Variants in PCDH15 observed in about 807,000 individuals in gnomAD.
The protein encoded by PCDH15 is protocadherin related 15.
A neutral mutation model predicts 178.5 loss-of-function variants in PCDH15; 129 were observed. The ratio of observed to expected loss-of-function variants is 0.72; its 90% CI spans 0.63 to 0.84. The LOEUF (loss-of-function observed/expected upper bound fraction) is 0.84. PCDH15 is among the 40% of genes least tolerant of loss of function. PCDH15 has a pLI of 0.00. For missense variants in PCDH15, 2,230 were observed against 2,099.9 expected (o/e 1.06, Z -1.21); for synonymous variants, 800 against 732.0 (o/e 1.09, Z -1.50).
chr10:55,450,222 C>G (rs1483600694), intron 2 of PCDH15, among the ~76,000 whole-genome samples: 1 of 152,050 alleles, frequency 6.6e-6, no homozygotes, highest in Non-Finnish European at 1.5e-5. Context: ...ATGGACAGCT[C>G]AGCTCAGTGC....
upstream of PCDH15, among the ~76,000 whole-genome samples, chr10:54,804,683 TA>T (rs1301703081): frequency 1.3e-5 from 2 of 151,658 alleles, no homozygotes; most frequent in Admixed American, 6.6e-5. Flanking sequence ...GTATTTTTCA[TA>T]AAAAAGTATT....
intron 2 of PCDH15, among the ~76,000 whole-genome samples, chr10:55,096,804 G>A (rs1359226887): frequency 1.3e-5 from 2 of 151,940 alleles, no homozygotes; most frequent in Non-Finnish European, 2.9e-5. Context: ...TTTTATATAA[G>A]TAAAAATTTA....
At chr10:55,026,028 ATATTAAAAGTGAGAGATAAGCTTG>A (rs1840467855) in intron 2 of PCDH15, among the ~76,000 whole-genome samples, 1 of 152,174 alleles carries the variant, frequency 6.6e-6, no homozygotes, top group South Asian at 2.1e-4. Context: ...TTGACAAAAA[ATATTAAAAGTGAGAGATAAGCTTG>A]TAATTGGTTA....
chr10:55,142,663 T>C, intron 2 of PCDH15, among the ~76,000 whole-genome samples: 1 of 129,146 alleles, frequency 7.7e-6, no homozygotes, highest in Admixed American at 7.8e-5. Context: ...TCTAAAAAGA[T>C]GGATAATTTA....
intron 5 of PCDH15, among the ~76,000 whole-genome samples, chr10:54,367,666 G>T (rs910248204): frequency 6.6e-6 from 1 of 151,830 alleles, no homozygotes; most frequent in Non-Finnish European, 1.5e-5. Context: ...GGGGAGTGAG[G>T]GGGTAGGAGA....
At chr10:54,144,046 G>A (rs183774739) in intron 14 of PCDH15, among the ~76,000 whole-genome samples, 1 of 150,594 alleles carries the variant, frequency 6.6e-6, no homozygotes, top group East Asian at 2.0e-4. Context: ...TCTTTTGCAA[G>A]TAGATTTGTC....
At chr10:53,934,185 T>C (rs1010136403) in intron 25 of PCDH15, among the ~76,000 whole-genome samples, 9 of 152,198 alleles carry the variant, frequency 5.9e-5, no homozygotes, top group Middle Eastern at 6.8e-3. Context: ...ACTTGTATAC[T>C]AGGAATCTCC....
chr10:54,738,718 A>C (rs751448729), intron 1 of PCDH15, among the ~76,000 whole-genome samples: 1 of 152,102 alleles, frequency 6.6e-6, no homozygotes, highest in Non-Finnish European at 1.5e-5. Flanking sequence ...GATTAAGTGA[A>C]TTCATCCCAG....
chr10:54,588,410 CTTATCAGT>C (rs2091648768), intron 2 of PCDH15, among the ~76,000 whole-genome samples: 1 of 152,178 alleles, frequency 6.6e-6, no homozygotes, highest in Non-Finnish European at 1.5e-5. Context: ...ATTAAAGACA[CTTATCAGT>C]GCTCTTGTGA....
chr10:53,846,045 C>CACACACACACAG (rs1016021232), intron 28 of PCDH15, among the ~76,000 whole-genome samples: 2 of 151,298 alleles, frequency 1.3e-5, no homozygotes, highest in African/African-American at 4.9e-5. Context: ...CACACACACA[C>CACACACACACAG]ACACAAACAA....
At chr10:53,858,788 A>G (rs1171283416) in intron 27 of PCDH15, among the ~76,000 whole-genome samples, 1 of 152,164 alleles carries the variant, frequency 6.6e-6, no homozygotes, top group African/African-American at 2.4e-5. Flanking sequence ...ACAAAACACT[A>G]GCTACTTCAC....
intron 2 of PCDH15, among the ~76,000 whole-genome samples, chr10:54,631,068 C>T (rs755344733): frequency 2.6e-5 from 4 of 152,092 alleles, no homozygotes; most frequent in Non-Finnish European, 4.4e-5. Flanking sequence ...TTGTAATCCC[C>T]GATGTTGGAG....
chr10:55,245,818 G>C (rs1056770354), intron 1 of PCDH15, among the ~76,000 whole-genome samples: 1 of 152,172 alleles, frequency 6.6e-6, no homozygotes, highest in African/African-American at 2.4e-5. Context: ...ACACGAATTT[G>C]TGAAGATTAT....
At chr10:54,104,213 C>T (rs1019965900) in intron 15 of PCDH15, among the ~76,000 whole-genome samples, 4 of 152,112 alleles carry the variant, frequency 2.6e-5, no homozygotes, top group African/African-American at 7.2e-5. Flanking sequence ...GAGGTTTCCA[C>T]GACTAGGAAT....
At chr10:54,690,289 T>G (rs190649565) in intron 1 of PCDH15, among the ~76,000 whole-genome samples, 1 of 151,804 alleles carries the variant, frequency 6.6e-6, no homozygotes, top group African/African-American at 2.4e-5. Flanking sequence ...ATATTACTGG[T>G]TTGTGTATTT....
chr10:54,830,534 T>C lies in PCDH15; in HGVS notation c.-29+66916A>G, dbSNP rs1953205125. On this transcript the variant is annotated intron_variant, in intron 3 of 5. Coordinates refer to the PCDH15 transcript ENST00000458638. ...TCACTCATAGGTGGGAATTGAACAA[T>C]GAGAACACATGGACACAGGAAGGGG... 2.7e-5 allele frequency among the ~76,000 whole-genome samples: 4 copies of C among 146,880 alleles called. No homozygotes were observed. The South Asian group carries it at 6.3e-4, about 23-fold the overall frequency.
At chr10:54,759,112 A>G (rs1259152189) in intron 1 of PCDH15, among the ~76,000 whole-genome samples, 2 of 152,132 alleles carry the variant, frequency 1.3e-5, no homozygotes, top group Non-Finnish European at 2.9e-5. Context: ...CCTTATATAC[A>G]GGTGAAATAA....
At chr10:53,819,613 C>T (rs1013465857) in intron 33 of PCDH15, among the ~76,000 whole-genome samples, 1 of 151,896 alleles carries the variant, frequency 6.6e-6, no homozygotes, top group Middle Eastern at 3.2e-3. Context: ...AATGTTTGGT[C>T]ATCTTTCTTA....
intron 2 of PCDH15, among the ~76,000 whole-genome samples, chr10:55,600,313 G>C (rs1843046315): frequency 6.6e-6 from 1 of 151,722 alleles, no homozygotes; most frequent in African/African-American, 2.4e-5. Context: ...GCAGTGAGCG[G>C]AGATGGTGCC....
Sources: gnomAD v4.1 joint callset for allele counts (sites outside exome capture counted in the v4.1 genomes callset) on GRCh38, gnomAD v4.1.1 for gene constraint, MANE v1.5 for transcripts, NCBI Gene and HGNC (gene_info 2026-07-23, HGNC 2026-07-21) for gene names.